Variants in GABRB2 observed in about 807,000 individuals in gnomAD.
GABRB2 encodes gamma-aminobutyric acid receptor subunit beta-2.
In GABRB2, 16 loss-of-function variants were observed where a neutral mutation model predicts 54.7. The ratio of observed to expected loss-of-function variants is 0.29; its 90% CI spans 0.20 to 0.44. The LOEUF (loss-of-function observed/expected upper bound fraction) is 0.44. Among genes scored for constraint, GABRB2 ranks in the 20% least tolerant of loss-of-function variants. The pLI, the probability that GABRB2 is intolerant of heterozygous loss-of-function variation, is 1.00. For synonymous variants in GABRB2, 244 were observed against 233.8 expected, an observed-to-expected ratio of 1.04 and a Z score of -0.40; for missense variants, 355 against 644.0, an observed-to-expected ratio of 0.55 and a Z score of 4.86.
intron 4 of GABRB2, among the ~76,000 whole-genome samples, chr5:161,425,853 A>C (rs1756983491): frequency 6.6e-6 from 1 of 152,092 alleles, no homozygotes; most frequent in South Asian, 2.1e-4. Context: ...TTGTTTTTTC[A>C]AATATAATAT....
chr5:161,438,442 A>C (rs1472559604), intron 4 of GABRB2, among the ~76,000 whole-genome samples: 4 of 152,206 alleles, frequency 2.6e-5, no homozygotes, highest in African/African-American at 9.6e-5. Flanking sequence ...AAATAAGTCC[A>C]GACACTGAAG....
chr5:161,317,877 T>C (rs1758089814), intron 9 of GABRB2, among the ~76,000 whole-genome samples: 1 of 152,034 alleles, frequency 6.6e-6, no homozygotes, highest in Non-Finnish European at 1.5e-5. Context: ...ATGCTTAATA[T>C]TTTAAGAAAT....
chr5:161,359,105 C>CT (rs975780212), intron 5 of GABRB2, among the ~76,000 whole-genome samples: 7 of 151,984 alleles, frequency 4.6e-5, no homozygotes, highest in African/African-American at 7.2e-5. Context: ...GTGTGACTGT[C>CT]TTTTTTTGCA....
intron 4 of GABRB2, among the ~76,000 whole-genome samples, chr5:161,418,870 T>C (rs916123891): frequency 6.6e-6 from 1 of 152,226 alleles, no homozygotes; most frequent in Admixed American, 6.5e-5. Flanking sequence ...CTCACACCTA[T>C]AATCCCAGCA....
intron 5 of GABRB2, among the ~76,000 whole-genome samples, chr5:161,341,703 A>G (rs1275865618): frequency 6.6e-6 from 1 of 151,506 alleles, no homozygotes; most frequent in Admixed American, 6.6e-5. Flanking sequence ...TTTACACAAT[A>G]ACTAAATATG....
chr5:161,430,112 A>G (rs1246708621), intron 4 of GABRB2, among the ~76,000 whole-genome samples: 1 of 152,152 alleles, frequency 6.6e-6, no homozygotes, highest in Non-Finnish European at 1.5e-5. Context: ...AATGTGGTAT[A>G]AAAGCCTCCG....
rs75608546 is a variant in GABRB2 at position 161,460,826 on chromosome 5, C to T, written c.238-982G>A. 2.4e-3 allele frequency among the ~76,000 whole-genome samples: 372 copies of T among 152,186 alleles called. 2 individuals carry two copies. Among genetic ancestry groups the T allele is most frequent in the African/African-American group, 8.4e-3 (348 of 41,532 alleles). On this transcript the variant is annotated intron_variant, in intron 3 of 9. Coordinates refer to ENST00000393959, the MANE Select transcript of GABRB2 (RefSeq NM_001371727.1). ...AAATTATGCTACATTTTATGAGGCA[C>T]ATAAATCAAGGTGCGAAATATCTAA...
At chr5:161,350,970 A>C (rs911732848) in intron 5 of GABRB2, among the ~76,000 whole-genome samples, 1 of 151,972 alleles carries the variant, frequency 6.6e-6, no homozygotes, top group South Asian at 2.1e-4. Flanking sequence ...CTGGCTTCTC[A>C]TCTTGCAGAC....
intron 9 of GABRB2, among the ~76,000 whole-genome samples, chr5:161,317,420 T>C (rs1361044867): frequency 6.6e-6 from 1 of 152,212 alleles, no homozygotes; most frequent in African/African-American, 2.4e-5. Flanking sequence ...GAAAAGGTTC[T>C]AAAATAAGTG....
At chr5:161,312,753 C>T (rs1377145119) in intron 9 of GABRB2, among the ~76,000 whole-genome samples, 1 of 151,888 alleles carries the variant, frequency 6.6e-6, no homozygotes, top group Non-Finnish European at 1.5e-5. Context: ...ATTAGGCAAA[C>T]AGAAATTCTG....
At chr5:161,475,576 A>T (rs1311852955) in intron 3 of GABRB2, among the ~76,000 whole-genome samples, 2 of 151,920 alleles carry the variant, frequency 1.3e-5, no homozygotes, top group African/African-American at 2.4e-5. Flanking sequence ...AATACTAGCA[A>T]ACTGAGCTCA....
At chr5:161,366,197 A>T (rs1221640545) in intron 5 of GABRB2, among the ~76,000 whole-genome samples, 1 of 151,998 alleles carries the variant, frequency 6.6e-6, no homozygotes, top group Non-Finnish European at 1.5e-5. Context: ...AAAGAAAATG[A>T]CAGTCATAGA....
At chr5:161,546,869 G>T, upstream of GABRB2, 2 of 889,414 alleles carry the variant, frequency 2.2e-6, no homozygotes, top group Non-Finnish European at 3.1e-6. Context: ...ATACATATTT[G>T]AATAATATAG....
intron 5 of GABRB2, among the ~76,000 whole-genome samples, chr5:161,393,345 A>T (rs1466457221): frequency 1.3e-5 from 1 of 77,166 alleles, no homozygotes; most frequent in South Asian, 4.2e-4. Flanking sequence ...AAAAAAAAAA[A>T]GCCACACACC....
chr5:161,335,032 T>C lies in GABRB2; in HGVS notation c.680-128A>G, dbSNP rs1007082768. 7 of 896,378 alleles carry C rather than the reference T, an allele frequency of 7.8e-6. No individual in the cohort carries two copies. In the Admixed American group the frequency reaches 1.1e-4, roughly 14 times the overall value. 55.5% of individuals were successfully genotyped at this position (896,378 alleles called of 1,614,324 possible). On this transcript the variant is annotated intron_variant, in intron 6 of 9. Coordinates refer to ENST00000393959, the MANE Select transcript of GABRB2 (RefSeq NM_001371727.1). ...GCTCTTAGTGAAGGACACTTTCTTC[T>C]GCAAAAGTAGTCTGAGAGCCCTGAG...
At chr5:161,320,918 C>T (rs538905747) in intron 9 of GABRB2, among the ~76,000 whole-genome samples, 63 of 152,006 alleles carry the variant, frequency 4.1e-4, no homozygotes, top group African/African-American at 1.4e-3. Context: ...TCTTCATTTC[C>T]TTCAGGTTAT....
chr5:161,340,167 A>T lies in GABRB2; in HGVS notation c.542-3398T>A, dbSNP rs1754115011. Among the ~76,000 whole-genome samples, 3 of 152,038 alleles carry T rather than the reference A, an allele frequency of 2.0e-5. No homozygotes were observed. In the South Asian group the frequency reaches 6.2e-4, roughly 31 times the overall value. On this transcript the variant is annotated intron_variant, in intron 5 of 9. Coordinates refer to ENST00000393959, the MANE Select transcript of GABRB2 (RefSeq NM_001371727.1). ...GCTTATCTGTAGGCAGAGGAATGCG[A>T]ATGTCTATAGCATTTCAACCAGGTT...
intron 3 of GABRB2, among the ~76,000 whole-genome samples, chr5:161,485,137 A>G (rs989370650): frequency 6.6e-6 from 1 of 151,636 alleles, no homozygotes; most frequent in African/African-American, 2.4e-5. Context: ...TTCTATAGGA[A>G]GCCCTGTCTA....
chr5:161,350,725 A>C (rs1336427074), intron 5 of GABRB2, among the ~76,000 whole-genome samples: 1 of 152,122 alleles, frequency 6.6e-6, no homozygotes, highest in African/African-American at 2.4e-5. Context: ...CTGCCAGTGC[A>C]GCCAGGATAA....
Sources: gnomAD v4.1 joint callset for allele counts (sites outside exome capture counted in the v4.1 genomes callset) on GRCh38, gnomAD v4.1.1 for gene constraint, MANE v1.5 for transcripts, NCBI Gene and HGNC (gene_info 2026-07-23, HGNC 2026-07-21) for gene names.